CIT: variants seen among roughly 807,000 people sequenced by gnomAD.
CIT encodes the protein citron Rho-interacting kinase.
CIT carries 79 observed loss-of-function variants against 272.7 expected under a neutral mutation model. The observed-to-expected ratio is 0.29, with a 90% CI of 0.24 to 0.35. The LOEUF is 0.35. CIT is among the 10% of genes least tolerant of loss of function. The pLI, the probability that CIT is intolerant of heterozygous loss-of-function variation, is 1.00. For missense variants in CIT, 1,909 were observed against 2,618.3 expected (o/e 0.73, Z 5.91); for synonymous variants, 948 against 995.6 (o/e 0.95, Z 0.90).
chr12:119,808,230 G>C (rs1419578218), intron 9 of CIT, among the ~76,000 whole-genome samples: 2 of 152,012 alleles, frequency 1.3e-5, no homozygotes, highest in Non-Finnish European at 2.9e-5. Flanking sequence ...AAGGAAAGAA[G>C]AACCAAATGG....
At chr12:119,794,771 G>A (rs1965597358) in intron 10 of CIT, among the ~76,000 whole-genome samples, 1 of 152,218 alleles carries the variant, frequency 6.6e-6, no homozygotes, top group African/African-American at 2.4e-5. Context: ...GAGAAAAAGA[G>A]AGTCCAAAGC....
intron 41 of CIT, 142 bp downstream of exon 41, chr12:119,704,221 A>C: frequency 1.5e-6 from 1 of 667,210 alleles, no homozygotes; most frequent in Non-Finnish European, 2.6e-6. Flanking sequence ...CTGACGACAG[A>C]GGTCACCCCA....
rs555253534 is a variant in CIT at position 119,787,498 on chromosome 12, G to A, written c.1296-2433C>T. 1.8e-4 allele frequency among the ~76,000 whole-genome samples: 28 copies of A among 151,400 alleles called. No individual in the cohort carries two copies. In the East Asian group the frequency reaches 2.1e-3, roughly 12 times the overall value. Reference sequence around the variant, plus strand: ...TGTAATCTCAGCACTTTGGGGGGCCGAGGCAAGCGGATCACGAGGTCAGGA... The same window carrying A: ...TGTAATCTCAGCACTTTGGGGGGCCAAGGCAAGCGGATCACGAGGTCAGGA... On this transcript the variant is annotated intron_variant, in intron 10 of 47. Transcript: ENST00000392521.
chr12:119,784,603 A>G lies in CIT; in HGVS notation c.1401+357T>C. ...CGCAGTGACATAAGCAGGAGTTTTAAAAGACTAGGAAGAGAGACTTCGCAT... is the reference window on the plus strand; with the variant it reads ...CGCAGTGACATAAGCAGGAGTTTTAGAAGACTAGGAAGAGAGACTTCGCAT... On this transcript the variant is annotated intron_variant, in intron 11 of 47. Transcript: ENST00000392521. The surrounding 1 kb of genome is among the most constrained non-coding windows in gnomAD (Gnocchi z 4.7). 8.4e-7 allele frequency: 1 copy of G among 1,183,888 alleles called. No homozygotes were observed. The highest frequency in any genetic ancestry group is 1.1e-6 in the Non-Finnish European group (1 of 949,718). 73.3% of individuals were successfully genotyped at this position (1,183,888 alleles called of 1,614,324 possible).
intron 10 of CIT, among the ~76,000 whole-genome samples, chr12:119,790,199 A>G (rs888899624): frequency 1.6e-4 from 24 of 152,044 alleles, no homozygotes; most frequent in Non-Finnish European, 2.4e-4. Flanking sequence ...CATTATAATA[A>G]TATTACATAC....
intron 9 of CIT, among the ~76,000 whole-genome samples, chr12:119,811,695 T>C (rs964320498): frequency 1.3e-5 from 2 of 152,222 alleles, no homozygotes; most frequent in African/African-American, 4.8e-5. Context: ...CCCCAAAGAT[T>C]CATACTTTTA....
At chr12:119,719,635 G>A (rs1405334820) in intron 30 of CIT, among the ~76,000 whole-genome samples, 4 of 152,140 alleles carry the variant, frequency 2.6e-5, no homozygotes, top group Admixed American at 1.3e-4. Flanking sequence ...AGATGGCACC[G>A]GAAATATTGA....
chr12:119,872,214 CTTTT>C (rs1950700664), intron 2 of CIT, among the ~76,000 whole-genome samples: 2 of 151,840 alleles, frequency 1.3e-5, no homozygotes, highest in South Asian at 4.1e-4. Flanking sequence ...ATAGGTCTTT[CTTTT>C]TATTTTTTTT....
At position 119,782,607 on chromosome 12, in the gene CIT, T is replaced by C. The variant is rs752157112; in HGVS notation, c.1576A>G (p.Met526Val). 7 of 1,614,206 alleles carry C rather than the reference T, an allele frequency of 4.3e-6. No homozygotes were observed. The highest frequency in any genetic ancestry group is 1.6e-4 in the Middle Eastern group (1 of 6,062). ...TTGTCATCCTCCTGGGACACCTCCA[T>C]CCGTGCTTGCTCCAAACTTCGCTTT... ...SLKRSLEQAR[M>V]EVSQEDDKAL... Residue 526 changes from methionine to valine, a missense_variant, in exon 13 of 48, where the codon ATG (methionine) becomes GTG (valine). This residue lies in a region of CIT where 19 missense variants were observed against 21.4 expected (regional missense o/e 0.89). Coordinates refer to ENST00000392521, the MANE Select transcript of CIT (RefSeq NM_001206999.2).
chr12:119,726,290 C>T lies in CIT; in HGVS notation c.3591+2212G>A, dbSNP rs545462316. On this transcript the variant is annotated intron_variant, in intron 28 of 47. Transcript: ENST00000392521. ...CTACAGTGCAGTGGTACCATCAGAG[C>T]TCAATGCAGCCTCAAACACCTGCGC... is the stretch of plus-strand genomic sequence containing the variant. Among the ~76,000 whole-genome samples the T allele has an allele frequency of 2.0e-5, 3 of 151,862 alleles. No homozygotes were observed. In the South Asian group the frequency reaches 6.2e-4, roughly 32 times the overall value.
chr12:119,812,588 C>T (rs1230296240), intron 9 of CIT, among the ~76,000 whole-genome samples: 2 of 151,924 alleles, frequency 1.3e-5, no homozygotes, highest in Non-Finnish European at 2.9e-5. Context: ...TACAGGTGCA[C>T]ACCACCATAC....
At position 119,718,459 on chromosome 12, in the gene CIT, G is replaced by A; in HGVS notation, c.4004-50C>T. On this transcript the variant is annotated intron_variant, in intron 31 of 47. Transcript: ENST00000392521. The surrounding 1 kb of genome is among the most constrained non-coding windows in gnomAD (Gnocchi z 4.8). ...TTTTGGTTAGCTGGGTCGCCTAGAG[G>A]ACCAAACTAAGCCGAATGTCCCTGG... is the stretch of plus-strand genomic sequence containing the variant. 6.4e-7 allele frequency: 1 copy of A among 1,564,304 alleles called. No individual in the cohort carries two copies. Among genetic ancestry groups the A allele is most frequent in the East Asian group, 2.3e-5 (1 of 44,354 alleles).
intron 5 of CIT, among the ~76,000 whole-genome samples, chr12:119,836,284 TAAAAAAAAAAAAAAAAA>T (rs201559880): frequency 4.7e-5 from 2 of 42,262 alleles, no homozygotes; most frequent in Non-Finnish European, 8.4e-5. Flanking sequence ...AGACTCCATC[TAAAAAAAAAAAAAAAAA>T]AAAAAAAAAA....
chr12:119,713,413 G>A lies in CIT; in HGVS notation c.4487+55C>T. The A allele has an allele frequency of 6.2e-7, 1 of 1,601,144 alleles. No individual in the cohort carries two copies. Among genetic ancestry groups the A allele is most frequent in the Non-Finnish European group, 8.5e-7 (1 of 1,170,646 alleles). On this transcript the variant is annotated intron_variant, in intron 34 of 47. Coordinates refer to ENST00000392521, the MANE Select transcript of CIT (RefSeq NM_001206999.2). The surrounding 1 kb of genome is among the most constrained non-coding windows in gnomAD (Gnocchi z 5.2). ...AGACACTTCCCTAGAAAACATCAGG[G>A]ACAGAGTGGCTTGTGCCAGCACCTG...
At position 119,700,749 on chromosome 12, in the gene CIT, G is replaced by A. The variant is rs764075439; in HGVS notation, c.5619C>T (p.Ala1873=). 8 of 1,612,020 alleles carry A rather than the reference G, an allele frequency of 5.0e-6. No individual in the cohort carries two copies. The highest frequency in any genetic ancestry group is 5.9e-6 in the Non-Finnish European group (7 of 1,178,642). The change falls in exon 44 of 48, where the codon GCC becomes GCT. Residue 1873 remains alanine (A), a synonymous_variant. Transcript: ENST00000392521. ...CCCACACTGAGCCTCACGTACCAAA[G>A]GCCAAAGGTAAGCGACTCCACTTGA... The part of the protein sequence containing the change: ...DDLKWSRLPL[A]FAYREPYLFV...
At chr12:119,701,813 A>G (rs760265067) in intron 42 of CIT, 37 bp downstream of exon 42, 6 of 1,614,018 alleles carry the variant, frequency 3.7e-6, no homozygotes, top group African/African-American at 2.7e-5. Context: ...GCGCGGCCTG[A>G]GCCATGGGTG....
chr12:119,831,796 G>A (rs924948287), intron 7 of CIT, among the ~76,000 whole-genome samples: 91 of 152,276 alleles, frequency 6.0e-4, no homozygotes, highest in African/African-American at 1.9e-3. Context: ...GTGAACCCAG[G>A]GGGGCGGAGC....
chr12:119,838,082 G>T (rs554483774), intron 5 of CIT, among the ~76,000 whole-genome samples: 8 of 151,752 alleles, frequency 5.3e-5, no homozygotes, highest in Admixed American at 2.0e-4. Context: ...GTTTTTTTGG[G>T]TTTTTTTTGA....
At chr12:119,863,959 G>A (rs1040657916) in intron 3 of CIT, among the ~76,000 whole-genome samples, 6 of 151,900 alleles carry the variant, frequency 3.9e-5, no homozygotes, top group African/African-American at 9.7e-5. Context: ...TACCAGATTC[G>A]CTGGCGCCTT....
Sources: allele counts gnomAD v4.1 joint callset (sites outside exome capture counted in the v4.1 genomes callset), GRCh38; gene constraint gnomAD v4.1.1; regional missense constraint gnomAD v4.1.1; non-coding constraint Gnocchi (gnomAD v3.1); transcripts MANE v1.5; gene names NCBI Gene and HGNC (gene_info 2026-07-23, HGNC 2026-07-21).